Variants in ZNF330 observed in about 807,000 individuals in gnomAD.
ZNF330 encodes the protein zinc finger protein 330.
A neutral mutation model predicts 45.5 loss-of-function variants in ZNF330; 31 were observed. That is an observed-to-expected ratio of 0.68 (90% CI 0.51 to 0.92). The LOEUF is 0.92. ZNF330 is among the 40% of genes least tolerant of loss of function. The probability of loss-of-function intolerance (pLI) is 0.00; values close to 1 mark genes in which losing one functional copy is unlikely to be tolerated. For synonymous variants in ZNF330, 138 were observed against 123.2 expected (o/e 1.12, Z -0.79); for missense variants, 356 against 387.4 (o/e 0.92, Z 0.68).
At chr4:141,230,552 CAT>C (rs1728925472) in intron 7 of ZNF330, among the ~76,000 whole-genome samples, 1 of 152,096 alleles carries the variant, frequency 6.6e-6, no homozygotes. Flanking sequence ...CAGAGTACCA[CAT>C]GTCATTTTTA....
intron 2 of ZNF330, chr4:141,223,627 G>A (rs889755681): frequency 4.3e-5 from 18 of 418,318 alleles, no homozygotes; most frequent in Admixed American, 1.3e-4. Context: ...ATTACATAGC[G>A]CAGATGTGAC....
Position 141,222,230 on chromosome 4 carries a change from T to C in ZNF330, c.-6-136T>C. ...GCTTAACGTTTCATAAGGCTTAGAA[T>C]GTGCTTAACTATCGAAAGGATAGAG... On this transcript the variant is annotated intron_variant, in intron 1 of 9. Transcript: ENST00000262990. The C allele has an allele frequency of 3.0e-6, 3 of 1,010,428 alleles. No homozygotes were observed. In the East Asian group the frequency reaches 8.2e-5, roughly 28 times the overall value. 62.6% of individuals were successfully genotyped at this position (1,010,428 alleles called of 1,614,324 possible). A position where few individuals can be genotyped will look rare whatever the true frequency, so the allele number is the denominator to read the frequency against.
Position 141,229,476 on chromosome 4 carries a change from G to A in ZNF330, c.292-95G>A. The A allele has an allele frequency of 4.0e-6, 6 of 1,504,828 alleles. No homozygotes were observed. The South Asian group carries it at 6.0e-5, about 15-fold the overall frequency. The allele number at this position is 1,504,828 out of a possible 1,614,324, so 93.2% of individuals were successfully genotyped here. On this transcript the variant is annotated intron_variant, in intron 5 of 9. Transcript: ENST00000262990. ...TACTATCATTGAGGGTTGATAAATT[G>A]CTAAATGTATACAGTTTTGATGGTT...
At position 141,224,491 on chromosome 4, in the gene ZNF330, G is replaced by A. The variant is rs919884982; in HGVS notation, c.125G>A (p.Cys42Tyr). The change falls in exon 3 of 10, where the codon TGT (cysteine) becomes TAT (tyrosine). Residue 42 changes from cysteine (C) to tyrosine (Y), a missense_variant. Cys to Tyr is a radical substitution (Grantham distance 194). Transcript: ENST00000262990. ...AKHPCNASME[C>Y]DKCQRRQKNR... ...TGATATTTTTATATGTTACAGGAAT[G>A]TGACAAGTGTCAGAGGTAAATTTTA... is the stretch of plus-strand genomic sequence containing the variant. 1.2e-6 allele frequency: 2 copies of A among 1,607,568 alleles called. No homozygotes were observed. Among genetic ancestry groups the A allele is most frequent in the Non-Finnish European group, 1.7e-6 (2 of 1,175,812 alleles).
chr4:141,234,173 A>T lies in ZNF330; in HGVS notation c.*184A>T. The T allele has an allele frequency of 1.8e-6, 2 of 1,128,398 alleles. No individual in the cohort carries two copies. 69.9% of individuals were successfully genotyped at this position (1,128,398 alleles called of 1,614,324 possible). ...AACTGATAATCAGGCTTATGGCATA[A>T]GAAAAATGAGTTTCAAATTTAAGAT... On this transcript the variant is annotated 3_prime_UTR_variant, in exon 10 of 10. Coordinates refer to ENST00000262990, the MANE Select transcript of ZNF330 (RefSeq NM_014487.6).
chr4:141,231,553 G>T (rs1461863652), intron 8 of ZNF330, 68 bp downstream of exon 8: 3 of 1,136,800 alleles, frequency 2.6e-6, no homozygotes, highest in African/African-American at 3.3e-5. Context: ...CCAGTCCTTG[G>T]CTTATATGCA....
intron 7 of ZNF330, among the ~76,000 whole-genome samples, chr4:141,231,038 G>A (rs1484692297): frequency 6.6e-6 from 1 of 151,992 alleles, no homozygotes; most frequent in Non-Finnish European, 1.5e-5. Context: ...GTTCTGGTAT[G>A]AAATCCTAAT....
intron 1 of ZNF330, among the ~76,000 whole-genome samples, 183 bp downstream of exon 1, chr4:141,221,291 C>T (rs1728670051): frequency 6.6e-6 from 1 of 152,172 alleles, no homozygotes; most frequent in South Asian, 2.1e-4. Flanking sequence ...ACACGCAGTG[C>T]ATGCAAGAAG....
Position 141,233,803 on chromosome 4 carries a change from T to C in ZNF330, c.777T>C (p.Ser259=), listed in dbSNP as rs574444869. 7.9e-5 allele frequency: 128 copies of C among 1,613,700 alleles called. 1 individual carries two copies. In the South Asian group the frequency reaches 1.4e-3, roughly 17 times the overall value. Residue 259 remains serine (S), a synonymous_variant, in exon 10 of 10, where the codon TCT becomes TCC. Transcript: ENST00000262990. ...GYDAYWKNLS[S]DKYGDTSYHD... ...ATGCTTATTGGAAGAACCTTTCATCTGATAAGTATGGTGATACCAGCTACC... is the reference window on the plus strand; with the variant it reads ...ATGCTTATTGGAAGAACCTTTCATCCGATAAGTATGGTGATACCAGCTACC...
intron 6 of ZNF330, among the ~76,000 whole-genome samples, chr4:141,229,923 C>G (rs1036516108): frequency 6.6e-6 from 1 of 151,960 alleles, no homozygotes; most frequent in Non-Finnish European, 1.5e-5. Context: ...CAGGTAGTCT[C>G]TTTGAGCATT....
rs369609926 is a variant in ZNF330 at position 141,230,051 on chromosome 4, C to T, written c.419-115C>T. 1.2e-5 allele frequency: 9 copies of T among 760,710 alleles called. No homozygotes were observed. In the African/African-American group the frequency reaches 1.4e-4, roughly 12 times the overall value. 47.1% of individuals were successfully genotyped at this position (760,710 alleles called of 1,614,324 possible). A position where few individuals can be genotyped will look rare whatever the true frequency, so the allele number is the denominator to read the frequency against. ...TTTTATCAGAATAAAAATGGCTGAA[C>T]AATTTTGGTGTATCTCCAAAGTAAC... On this transcript the variant is annotated intron_variant, in intron 6 of 9. Coordinates refer to ENST00000262990, the MANE Select transcript of ZNF330 (RefSeq NM_014487.6).
At chr4:141,231,210 T>G (rs936044149) in intron 7 of ZNF330, among the ~76,000 whole-genome samples, 1 of 152,126 alleles carries the variant, frequency 6.6e-6, no homozygotes, top group Non-Finnish European at 1.5e-5. Context: ...TCTCGAAGTA[T>G]ATAGCATTTT....
intron 1 of ZNF330, 147 bp from the exon 2 acceptor site, chr4:141,222,219 A>T (rs1010643599): frequency 3.4e-6 from 3 of 877,850 alleles, no homozygotes; most frequent in Non-Finnish European, 5.0e-6. Context: ...AACGTTTCAT[A>T]AGGCTTAGAA....
At chr4:141,223,671 C>T (rs1728737030) in intron 2 of ZNF330, 9 of 450,756 alleles carry the variant, frequency 2.0e-5, no homozygotes, top group South Asian at 1.4e-4. Context: ...AGAGTCCTTT[C>T]CAGAGAAGAG....
chr4:141,234,127 T>A lies in ZNF330; in HGVS notation c.*138T>A. On this transcript the variant is annotated 3_prime_UTR_variant, in exon 10 of 10. Transcript: ENST00000262990. ...TAGTTACACTTAATGGGCCAAGCAA[T>A]AGGGTGTAGCGTTTTTATAGAACTG... 1 of 1,423,680 alleles carries A rather than the reference T, an allele frequency of 7.0e-7. No homozygotes were observed. Among genetic ancestry groups the A allele is most frequent in the Admixed American group, 2.8e-5 (1 of 36,102 alleles). The allele number at this position is 1,423,680 out of a possible 1,614,324, so 88.2% of individuals were successfully genotyped here.
chr4:141,222,755 C>T (rs1728713594), intron 2 of ZNF330: 1 of 231,884 alleles, frequency 4.3e-6, no homozygotes, highest in South Asian at 9.6e-5. Flanking sequence ...TAGAAACTTT[C>T]ATCTTCCAGT....
chr4:141,222,644 A>T, intron 2 of ZNF330, 153 bp downstream of exon 2: 1 of 680,854 alleles, frequency 1.5e-6, no homozygotes, highest in Non-Finnish European at 2.4e-6. Flanking sequence ...GATTTCACTG[A>T]GTGGCAGTGA....
chr4:141,226,882 T>TCTTATCCTTGAAAACGTA, intron 5 of ZNF330, 36 bp downstream of exon 5: 1 of 1,515,186 alleles, frequency 6.6e-7, no homozygotes, highest in Non-Finnish European at 9.0e-7. Context: ...TAGTACGTTT[T>TCTTATCCTTGAAAACGTA]CAAGGATAAG....
intron 2 of ZNF330, chr4:141,223,700 A>G (rs967981571): frequency 2.2e-6 from 1 of 454,528 alleles, no homozygotes; most frequent in Non-Finnish European, 4.4e-6. Context: ...AATGACTGGC[A>G]TGCCTAAATA....
Sources: gnomAD v4.1 joint callset for allele counts (sites outside exome capture counted in the v4.1 genomes callset) on GRCh38, gnomAD v4.1.1 for gene constraint, MANE v1.5 for transcripts, NCBI Gene and HGNC (gene_info 2026-07-23, HGNC 2026-07-21) for gene names.